GALNT17: variants seen among roughly 807,000 people sequenced by gnomAD.
The protein encoded by GALNT17 is UDP-GalNAc:polypeptide N-acetylgalactosaminyltransferase-like 3.
In GALNT17, 29 loss-of-function variants were observed where a neutral mutation model predicts 63.7. That is an observed-to-expected ratio of 0.46 (90% CI 0.34 to 0.62). The LOEUF (loss-of-function observed/expected upper bound fraction) is 0.62, where lower values mean the gene tolerates loss of function less well. Among genes scored for constraint, GALNT17 ranks in the 20% least tolerant of loss-of-function variants. GALNT17 has a pLI of 0.01. For missense variants in GALNT17, 603 were observed against 799.6 expected, an observed-to-expected ratio of 0.75 and a Z score of 2.97; for synonymous variants, 305 against 318.3, an observed-to-expected ratio of 0.96 and a Z score of 0.45.
chr7:71,711,961 CGCT>C, intron 10 of GALNT17, 54 bp from the exon 11 acceptor site: 2 of 1,580,378 alleles, frequency 1.3e-6, no homozygotes, highest in Non-Finnish European at 1.7e-6. Flanking sequence ...CTATATCTCT[CGCT>C]GTCTCTCTCT....
At chr7:71,521,136 T>C (rs1035160054) in intron 5 of GALNT17, among the ~76,000 whole-genome samples, 16 of 152,246 alleles carry the variant, frequency 1.1e-4, no homozygotes, top group Non-Finnish European at 7.3e-5. Flanking sequence ...CATGCACATA[T>C]GTTTGGTATT....
chr7:71,305,960 T>G (rs1051991219), intron 1 of GALNT17, among the ~76,000 whole-genome samples: 1 of 152,236 alleles, frequency 6.6e-6, no homozygotes, highest in African/African-American at 2.4e-5. Context: ...GGCCCACGCC[T>G]GTAATCCCAG....
At chr7:71,365,077 T>G (rs2707422) in intron 2 of GALNT17, among the ~76,000 whole-genome samples, 1 of 151,598 alleles carries the variant, frequency 6.6e-6, no homozygotes, top group Non-Finnish European at 1.5e-5. Context: ...ATTACAGGCC[T>G]GTGCAACACC....
intron 6 of GALNT17, among the ~76,000 whole-genome samples, chr7:71,642,092 G>A (rs1194429487): frequency 1.3e-5 from 2 of 152,126 alleles, no homozygotes; most frequent in African/African-American, 4.8e-5. Context: ...CTGGGAACAC[G>A]AGGCTGTCTG....
intron 8 of GALNT17, among the ~76,000 whole-genome samples, chr7:71,676,976 G>A (rs114844390): frequency 6.6e-6 from 1 of 152,078 alleles, no homozygotes. Context: ...TGTGAGGGTG[G>A]GGGGGCAAGC....
At chr7:71,331,175 A>G (rs891113781) in intron 1 of GALNT17, among the ~76,000 whole-genome samples, 2 of 152,094 alleles carry the variant, frequency 1.3e-5, no homozygotes, top group African/African-American at 4.8e-5. Context: ...CTGGAAACTC[A>G]GTTTTGCTCA....
intron 6 of GALNT17, among the ~76,000 whole-genome samples, chr7:71,637,251 T>A (rs1473393585): frequency 1.3e-5 from 2 of 152,170 alleles, no homozygotes; most frequent in African/African-American, 4.8e-5. Flanking sequence ...AGTGACGCGA[T>A]CTCGGCTCAC....
At chr7:71,243,175 A>C (rs1790030950) in intron 1 of GALNT17, among the ~76,000 whole-genome samples, 2 of 151,666 alleles carry the variant, frequency 1.3e-5, no homozygotes, top group African/African-American at 2.4e-5. Context: ...GTTTTCTCTG[A>C]TCTTTCTTGT....
Position 71,685,591 on chromosome 7 carries a change from G to A in GALNT17, c.1500+8285G>A, listed in dbSNP as rs1166429535. On this transcript the variant is annotated intron_variant, in intron 9 of 10. Coordinates refer to ENST00000333538, the MANE Select transcript of GALNT17 (RefSeq NM_022479.3). ...CAAAGACTGGTCTTCCTCTATTGGG[G>A]ATGGTCATCCTCTTTGACCAAGCAT... is the stretch of plus-strand genomic sequence containing the variant. The A allele has an allele frequency of 7.2e-5, 11 of 152,304 alleles. No homozygotes were observed. In the South Asian group the frequency reaches 8.3e-4, roughly 11 times the overall value. The allele number at this position is 152,304 out of a possible 1,614,324, so 9.4% of individuals were successfully genotyped here. A position where few individuals can be genotyped will look rare whatever the true frequency, so the allele number is the denominator to read the frequency against.
At chr7:71,143,278 C>T (rs775773168) in intron 1 of GALNT17, among the ~76,000 whole-genome samples, 5 of 150,944 alleles carry the variant, frequency 3.3e-5, no homozygotes, top group Non-Finnish European at 7.4e-5. Context: ...AAAAATTAGC[C>T]GGGTGTGGTG....
At chr7:71,137,139 C>CTTTTT (rs398005145) in intron 1 of GALNT17, among the ~76,000 whole-genome samples, 20 of 117,354 alleles carry the variant, frequency 1.7e-4, no homozygotes, top group Admixed American at 3.8e-4. Flanking sequence ...ATATTTTTGA[C>CTTTTT]TTTTTTTTTT....
At chr7:71,503,905 C>G (rs973485225) in intron 5 of GALNT17, among the ~76,000 whole-genome samples, 3 of 151,892 alleles carry the variant, frequency 2.0e-5, no homozygotes, top group African/African-American at 7.3e-5. Context: ...ACCAGCCTGG[C>G]CAATACAGTG....
intron 1 of GALNT17, among the ~76,000 whole-genome samples, chr7:71,309,145 A>G (rs144790335): frequency 0.011 from 1,680 of 151,828 alleles, 44 homozygotes; most frequent in African/African-American, 0.039. Context: ...TTTTCCCTTC[A>G]GTGCCATTTT....
At chr7:71,186,761 T>C (rs915787796) in intron 1 of GALNT17, among the ~76,000 whole-genome samples, 3 of 152,242 alleles carry the variant, frequency 2.0e-5, no homozygotes, top group Non-Finnish European at 2.9e-5. Context: ...AAAGCGAGAC[T>C]TTGGCCTGTA....
At chr7:71,625,435 C>T (rs1043463301) in intron 6 of GALNT17, among the ~76,000 whole-genome samples, 6 of 152,060 alleles carry the variant, frequency 3.9e-5, no homozygotes, top group East Asian at 1.9e-4. Flanking sequence ...CGTGAGCCAC[C>T]GAGCCCAGCT....
At chr7:71,501,121 A>G (rs1364399982) in intron 5 of GALNT17, among the ~76,000 whole-genome samples, 2 of 150,752 alleles carry the variant, frequency 1.3e-5, no homozygotes, top group African/African-American at 2.4e-5. Context: ...ACGCGCTACC[A>G]CCATGCTCAG....
chr7:71,305,921 A>T (rs926345702), intron 1 of GALNT17, among the ~76,000 whole-genome samples: 6 of 152,214 alleles, frequency 3.9e-5, no homozygotes, highest in Non-Finnish European at 5.9e-5. Flanking sequence ...ATTTACAATT[A>T]AAAAATTTCT....
intron 5 of GALNT17, among the ~76,000 whole-genome samples, chr7:71,533,730 G>A (rs950032163): frequency 9.2e-5 from 14 of 152,226 alleles, no homozygotes; most frequent in Non-Finnish European, 1.2e-4. Flanking sequence ...GGTTGCTCAC[G>A]GAAAGCCAAT....
intron 1 of GALNT17, among the ~76,000 whole-genome samples, chr7:71,332,907 C>G (rs1025913853): frequency 6.6e-6 from 1 of 152,078 alleles, no homozygotes; most frequent in Non-Finnish European, 1.5e-5. Context: ...AGGCTGGTCC[C>G]GAACTCCTGA....
Sources: gnomAD v4.1 joint callset for allele counts (sites outside exome capture counted in the v4.1 genomes callset) on GRCh38, gnomAD v4.1.1 for gene constraint, MANE v1.5 for transcripts, NCBI Gene and HGNC (gene_info 2026-07-23, HGNC 2026-07-21) for gene names.